NRG1: variants seen among roughly 807,000 people sequenced by gnomAD.
The protein encoded by NRG1 is neuregulin 1, also known as pro-neuregulin-1, membrane-bound isoform.
NRG1 carries 18 observed loss-of-function variants against 63.8 expected under a neutral mutation model. The ratio of observed to expected loss-of-function variants is 0.28; its 90% CI spans 0.19 to 0.42. The LOEUF is 0.42. NRG1 is among the 10% of genes least tolerant of loss of function. The pLI, the probability that NRG1 is intolerant of heterozygous loss-of-function variation, is 1.00. For synonymous variants in NRG1, 302 were observed against 301.3 expected (o/e 1.00, Z -0.02); for missense variants, 762 against 814.7 (o/e 0.94, Z 0.79).
chr8:32,086,769 T>C (rs187667580), intron 1 of NRG1, among the ~76,000 whole-genome samples: 27 of 152,282 alleles, frequency 1.8e-4, no homozygotes, highest in Non-Finnish European at 4.4e-5. Flanking sequence ...TTTCACTTAG[T>C]CAAACTAACT....
intron 1 of NRG1, chr8:32,061,781 T>C (rs531810608): frequency 6.6e-6 from 1 of 152,150 alleles, no homozygotes; most frequent in Non-Finnish European, 1.5e-5. Flanking sequence ...CAGACGAGCT[T>C]TTAGAAGACC....
exon 12 of NRG1, chr8:32,766,927 G>A (rs187934516): frequency 6.6e-6 from 1 of 152,272 alleles, no homozygotes; most frequent in Admixed American, 6.5e-5. Context: ...CGACAGTGCA[G>A]TGGCGATCGG....
intron 1 of NRG1, among the ~76,000 whole-genome samples, chr8:32,407,294 TTATATATATATA>T (rs1226138188): frequency 5.3e-4 from 2 of 3,770 alleles, no homozygotes; most frequent in African/African-American, 7.9e-4. Context: ...TATATATATA[TTATATATATATA>T]TATATATATA....
intron 5 of NRG1, among the ~76,000 whole-genome samples, chr8:32,711,363 A>G (rs1817761005): frequency 6.6e-6 from 1 of 151,992 alleles, no homozygotes; most frequent in African/African-American, 2.4e-5. Context: ...TTAGCTAAGA[A>G]TTTTCATGCT....
chr8:32,609,592 T>C (rs1563760754), intron 3 of NRG1, among the ~76,000 whole-genome samples: 2 of 133,710 alleles, frequency 1.5e-5, no homozygotes, highest in African/African-American at 6.1e-5. Flanking sequence ...CCTTCCTTCC[T>C]TCCTTCCTTC....
At chr8:31,855,960 T>A (rs1021180380) in intron 1 of NRG1, among the ~76,000 whole-genome samples, 1 of 151,798 alleles carries the variant, frequency 6.6e-6, no homozygotes, top group African/African-American at 2.4e-5. Flanking sequence ...TTCTGGCTTG[T>A]AGAGTTTCTG....
chr8:32,207,627 A>G (rs1368692021), intron 1 of NRG1, among the ~76,000 whole-genome samples: 1 of 152,196 alleles, frequency 6.6e-6, no homozygotes, highest in Admixed American at 6.5e-5. Context: ...TGCAAACATC[A>G]TAACAGCATA....
intron 1 of NRG1, among the ~76,000 whole-genome samples, chr8:32,343,492 T>G (rs1804340681): frequency 6.6e-6 from 1 of 152,198 alleles, no homozygotes; most frequent in South Asian, 2.1e-4. Flanking sequence ...TTGCTGATGG[T>G]CTTTCTTGCT....
intron 1 of NRG1, among the ~76,000 whole-genome samples, chr8:31,776,503 G>C (rs1047301433): frequency 2.6e-5 from 4 of 152,088 alleles, no homozygotes; most frequent in Non-Finnish European, 5.9e-5. Flanking sequence ...CTCTTGTCAG[G>C]CCTGTTTGTT....
In NRG1 at chr8:32,675,156, A is replaced by T. The variant is rs188615372; in HGVS notation, c.503-52793A>T. On this transcript the variant is annotated intron_variant, in intron 5 of 11. Coordinates refer to ENST00000356819, the Ensembl canonical transcript of NRG1. ...CTGGCCATAAAAAGAGCAAGATCACATTTATATATGTTCTGGTGAAAATTA... is the reference window on the plus strand; with the variant it reads ...CTGGCCATAAAAAGAGCAAGATCACTTTTATATATGTTCTGGTGAAAATTA... 4.4e-3 allele frequency among the ~76,000 whole-genome samples: 665 copies of T among 152,266 alleles called. 8 individuals are homozygous for T. The highest frequency in any genetic ancestry group is 0.015 in the African/African-American group (628 of 41,540).
At chr8:31,908,912 T>A (rs1252817829) in intron 1 of NRG1, among the ~76,000 whole-genome samples, 1 of 152,180 alleles carries the variant, frequency 6.6e-6, no homozygotes, top group Non-Finnish European at 1.5e-5. Flanking sequence ...TGAGTAACCA[T>A]GATATGCTAG....
At chr8:31,826,588 A>C (rs1320245354) in intron 1 of NRG1, among the ~76,000 whole-genome samples, 1 of 152,192 alleles carries the variant, frequency 6.6e-6, no homozygotes, top group African/African-American at 2.4e-5. Flanking sequence ...AATTAGCAGC[A>C]TGAGAATGGA....
intron 1 of NRG1, among the ~76,000 whole-genome samples, chr8:31,700,508 C>A (rs1810524686): frequency 6.6e-6 from 1 of 152,074 alleles, no homozygotes; most frequent in African/African-American, 2.4e-5. Flanking sequence ...TTTGGCTTTC[C>A]AGCGGCATGA....
At chr8:32,293,028 T>C (rs7846169) in intron 1 of NRG1, among the ~76,000 whole-genome samples, 74,756 of 151,966 alleles carry the variant, frequency 0.49, 20,867 homozygotes, top group African/African-American at 0.77. Context: ...CGCTTGAACC[T>C]GGGAGGCAGA....
At chr8:31,747,682 T>A (rs1816030265) in intron 1 of NRG1, among the ~76,000 whole-genome samples, 1 of 151,946 alleles carries the variant, frequency 6.6e-6, no homozygotes, top group Non-Finnish European at 1.5e-5. Context: ...CTTGGCCATG[T>A]TAGTTGGCTT....
chr8:32,699,012 C>T (rs1354018976), intron 5 of NRG1, among the ~76,000 whole-genome samples: 1 of 152,116 alleles, frequency 6.6e-6, no homozygotes, highest in African/African-American at 2.4e-5. Context: ...GAAAAAAATT[C>T]ACAAGTGCCA....
At chr8:32,604,259 A>G (rs1161526136) in intron 2 of NRG1, among the ~76,000 whole-genome samples, 1 of 152,174 alleles carries the variant, frequency 6.6e-6, no homozygotes, top group African/African-American at 2.4e-5. Flanking sequence ...AGAAAAAATG[A>G]CACAGACAAA....
intron 1 of NRG1, among the ~76,000 whole-genome samples, chr8:32,421,060 G>A (rs1410071211): frequency 6.6e-6 from 1 of 152,186 alleles, no homozygotes; most frequent in Non-Finnish European, 1.5e-5. Flanking sequence ...GTGAAACTGT[G>A]AGTCAATTAA....
At chr8:32,058,422 C>A (rs1251961969) in intron 1 of NRG1, among the ~76,000 whole-genome samples, 1 of 152,018 alleles carries the variant, frequency 6.6e-6, no homozygotes, top group African/African-American at 2.4e-5. Context: ...TTATTATACA[C>A]ACAAATACAT....
Sources: gnomAD v4.1 joint callset for allele counts (sites outside exome capture counted in the v4.1 genomes callset) on GRCh38, gnomAD v4.1.1 for gene constraint, MANE v1.5 for transcripts, NCBI Gene and HGNC (gene_info 2026-07-23, HGNC 2026-07-21) for gene names.